WDR20: variants seen among roughly 807,000 people sequenced by gnomAD.
The protein encoded by WDR20 is WD repeat-containing protein 20.
A neutral mutation model predicts 38.7 loss-of-function variants in WDR20; 3 were observed. The observed-to-expected ratio is 0.08, with a 90% CI of 0.04 to 0.20. The LOEUF is 0.20. WDR20 is among the 10% of genes least tolerant of loss of function. The pLI, the probability that WDR20 is intolerant of heterozygous loss-of-function variation, is 1.00. For missense variants in WDR20, 559 were observed against 727.7 expected (o/e 0.77, Z 2.67); for synonymous variants, 298 against 285.6 (o/e 1.04, Z -0.44).
rs140208707 is a variant in WDR20 at position 102,170,422 on chromosome 14, T to A, written c.250-24516T>A. Among the ~76,000 whole-genome samples the A allele has an allele frequency of 1.0e-3, 155 of 152,332 alleles. 2 individuals carry two copies. Among genetic ancestry groups the A allele is most frequent in the Admixed American group, 8.6e-3 (132 of 15,302 alleles). On this transcript the variant is annotated intron_variant, in intron 1 of 2. Coordinates refer to ENST00000342702, the MANE Select transcript of WDR20 (RefSeq NM_144574.4). ...CATAGTCAAATCGCCTTCTAAAAAT[T>A]GTACCAATTTTTACTTGTGGCATAG...
At chr14:102,171,999 G>A (rs2060929263) in intron 1 of WDR20, among the ~76,000 whole-genome samples, 1 of 151,128 alleles carries the variant, frequency 6.6e-6, no homozygotes, top group Non-Finnish European at 1.5e-5. Context: ...GGGAAGGTCA[G>A]CAGATAAACA....
chr14:102,203,007 G>A (rs1359351738), intron 2 of WDR20, among the ~76,000 whole-genome samples: 2 of 152,194 alleles, frequency 1.3e-5, no homozygotes, highest in Admixed American at 6.5e-5. Flanking sequence ...GCCACATTCT[G>A]CCACGCTGCC....
downstream of WDR20, among the ~76,000 whole-genome samples, chr14:102,219,693 T>A (rs1167711412): frequency 6.6e-6 from 1 of 152,208 alleles, no homozygotes; most frequent in African/African-American, 2.4e-5. Context: ...GCTTCCTGAG[T>A]GCTGCAGCAT....
At chr14:102,158,481 A>G (rs2057949001) in intron 1 of WDR20, among the ~76,000 whole-genome samples, 1 of 152,058 alleles carries the variant, frequency 6.6e-6, no homozygotes, top group Non-Finnish European at 1.5e-5. Flanking sequence ...TATTTTAAAT[A>G]GAGACGGGGT....
intron 1 of WDR20, among the ~76,000 whole-genome samples, chr14:102,171,689 T>G (rs2060852239): frequency 2.0e-5 from 3 of 151,832 alleles, no homozygotes; most frequent in Admixed American, 1.3e-4. Flanking sequence ...CCCAAAGATC[T>G]TATCTTTCGT....
At chr14:102,197,142 C>T (rs1181246724) in intron 2 of WDR20, among the ~76,000 whole-genome samples, 1 of 152,100 alleles carries the variant, frequency 6.6e-6, no homozygotes, top group African/African-American at 2.4e-5. Flanking sequence ...TCCCATTTTA[C>T]AGATGAGGAA....
intron 2 of WDR20, among the ~76,000 whole-genome samples, chr14:102,200,508 T>TGTGTGTGTGTGTGTG (rs1491211775): frequency 6.7e-6 from 1 of 149,504 alleles, no homozygotes; most frequent in African/African-American, 2.5e-5. Context: ...TGTGTGTGTG[T>TGTGTGTGTGTGTGTG]TTCACTCTGC....
intron 1 of WDR20, among the ~76,000 whole-genome samples, chr14:102,169,762 A>C (rs1189385954): frequency 6.6e-6 from 1 of 152,126 alleles, no homozygotes; most frequent in Non-Finnish European, 1.5e-5. Context: ...TCTTGACCTC[A>C]GGTGATCCAC....
intron 1 of WDR20, among the ~76,000 whole-genome samples, chr14:102,151,173 A>AT (rs534503694): frequency 0.038 from 4,256 of 111,476 alleles, 97 homozygotes; most frequent in African/African-American, 0.057. Flanking sequence ...CCATTGGGGA[A>AT]TTTTTTTTTT....
At chr14:102,146,058 A>T (rs997658798) in intron 1 of WDR20, among the ~76,000 whole-genome samples, 5 of 150,836 alleles carry the variant, frequency 3.3e-5, no homozygotes, top group African/African-American at 1.2e-4. Context: ...TCTTTGATTC[A>T]TTGCCTACTT....
Position 102,210,081 on chromosome 14 carries a change from C to G in WDR20, c.*201C>G. Reference sequence around the variant, plus strand: ...CTTAGAGCATTTAAAAAAATATAATCAAACTAATTGCCAGCCAAGTCAGTC... The same window carrying G: ...CTTAGAGCATTTAAAAAAATATAATGAAACTAATTGCCAGCCAAGTCAGTC... On this transcript the variant is annotated 3_prime_UTR_variant, in exon 3 of 3. Coordinates refer to ENST00000342702, the MANE Select transcript of WDR20 (RefSeq NM_144574.4). The G allele has an allele frequency of 7.4e-7, 1 of 1,353,904 alleles. No individual in the cohort carries two copies. Among genetic ancestry groups the G allele is most frequent in the Non-Finnish European group, 9.4e-7 (1 of 1,058,594 alleles). 83.9% of individuals were successfully genotyped at this position (1,353,904 alleles called of 1,614,324 possible).
chr14:102,156,932 G>A (rs2057544179), intron 1 of WDR20, among the ~76,000 whole-genome samples: 1 of 152,072 alleles, frequency 6.6e-6, no homozygotes, highest in Non-Finnish European at 1.5e-5. Context: ...CGGAGGTTGA[G>A]TGAGCGGAGA....
intron 1 of WDR20, among the ~76,000 whole-genome samples, chr14:102,176,059 C>G (rs2061987711): frequency 6.6e-6 from 1 of 152,142 alleles, no homozygotes; most frequent in Non-Finnish European, 1.5e-5. Flanking sequence ...TTTCTCTTGT[C>G]TGATTGCTCT....
chr14:102,139,476 C>T (rs2050190572), upstream of WDR20: 1 of 1,431,444 alleles, frequency 7.0e-7, no homozygotes, highest in Non-Finnish European at 9.3e-7. Context: ...TCTTCCTCCG[C>T]TCTTTGGGGT....
chr14:102,172,878 C>T (rs1320541714), intron 1 of WDR20, among the ~76,000 whole-genome samples: 2 of 146,088 alleles, frequency 1.4e-5, no homozygotes, highest in Non-Finnish European at 1.6e-5. Context: ...GGCGGAGGGT[C>T]TCCTCCTTTC....
chr14:102,159,270 C>T (rs934391902), intron 1 of WDR20, among the ~76,000 whole-genome samples: 9 of 152,054 alleles, frequency 5.9e-5, no homozygotes, highest in African/African-American at 2.2e-4. Flanking sequence ...GGGTCATGTG[C>T]CTCCAGTTGC....
intron 1 of WDR20, among the ~76,000 whole-genome samples, chr14:102,149,280 C>T (rs914893494): frequency 6.6e-6 from 1 of 152,196 alleles, no homozygotes; most frequent in East Asian, 1.9e-4. Context: ...ATGCTTTTGC[C>T]TTGTGCTCCC....
chr14:102,170,668 T>A lies in WDR20; in HGVS notation c.250-24270T>A, dbSNP rs538347713. Among the ~76,000 whole-genome samples the A allele has an allele frequency of 3.3e-5, 5 of 152,144 alleles. No individual in the cohort carries two copies. The East Asian group carries it at 9.7e-4, about 29-fold the overall frequency. ...TGGTAGGAGATCTCTTTTATGATTA[T>A]TTATTTTTAATTTTTAAATTTTTTT... On this transcript the variant is annotated intron_variant, in intron 1 of 2. Coordinates refer to ENST00000342702, the MANE Select transcript of WDR20 (RefSeq NM_144574.4).
At chr14:102,195,839 A>G (rs1222693022) in intron 2 of WDR20, 1 of 152,168 alleles carries the variant, frequency 6.6e-6, no homozygotes, top group Admixed American at 6.5e-5. Flanking sequence ...AAGTATTGCT[A>G]TTTCATATTT....
Sources: allele counts gnomAD v4.1 joint callset (sites outside exome capture counted in the v4.1 genomes callset), GRCh38; gene constraint gnomAD v4.1.1; transcripts MANE v1.5; gene names NCBI Gene and HGNC (gene_info 2026-07-23, HGNC 2026-07-21).